The following RFTN1 variants were observed in gnomAD, a reference collection of about 807,000 sequenced individuals.
The protein encoded by RFTN1 is raftlin, lipid raft linker 1.
In RFTN1, 26 loss-of-function variants were observed where a neutral mutation model predicts 46.5. That is an observed-to-expected ratio of 0.56 (90% confidence interval 0.41 to 0.78). RFTN1 has a LOEUF of 0.78. Among genes scored for constraint, RFTN1 ranks in the 30% least tolerant of loss-of-function variants. The pLI, the probability that RFTN1 is intolerant of heterozygous loss-of-function variation, is 0.00. For synonymous variants in RFTN1, 261 were observed against 284.2 expected, an observed-to-expected ratio of 0.92 and a Z score of 0.82; for missense variants, 693 against 718.7, an observed-to-expected ratio of 0.96 and a Z score of 0.41.
At chr3:16,493,697 C>G in intron 2 of RFTN1, 28 bp downstream of exon 2, 1 of 1,603,244 alleles carries the variant, frequency 6.2e-7, no homozygotes, top group Non-Finnish European at 8.5e-7. Flanking sequence ...CCCACCTGCC[C>G]CCATCCATTC....
In RFTN1 at chr3:16,426,126, A is replaced by G. The variant is rs1038845303; in HGVS notation, c.332+7725T>C. 3.9e-5 allele frequency among the ~76,000 whole-genome samples: 6 copies of G among 152,186 alleles called. No homozygotes were observed. Among genetic ancestry groups the G allele is most frequent in the Non-Finnish European group, 8.8e-5 (6 of 68,036 alleles). ...GGCGGCTGCAGTTTCCCATCACAGTAGCACGCATCAATCAGTGCTAAACCC... is the reference window on the plus strand; with the variant it reads ...GGCGGCTGCAGTTTCCCATCACAGTGGCACGCATCAATCAGTGCTAAACCC... On this transcript the variant is annotated intron_variant, in intron 3 of 9. Transcript: ENST00000334133. This position sits in a 1 kb window ranked among gnomAD's most constrained non-coding sequence, Gnocchi z 5.9.
At chr3:16,325,411 C>T (rs1435761154) in intron 8 of RFTN1, among the ~76,000 whole-genome samples, 1 of 152,214 alleles carries the variant, frequency 6.6e-6, no homozygotes, top group Non-Finnish European at 1.5e-5. Context: ...ACAGAGAGAC[C>T]TGTCTGTAGC....
rs766149596 is a variant in RFTN1 at position 16,336,802 on chromosome 3, C to G, written c.1147-9926G>C. On this transcript the variant is annotated intron_variant, in intron 7 of 9. Coordinates refer to ENST00000334133, the MANE Select transcript of RFTN1 (RefSeq NM_015150.2). The surrounding 1 kb of genome is among the most constrained non-coding windows in gnomAD (Gnocchi z 6.0). The stretch of plus-strand genomic sequence containing the variant: ...AATTCACATCTTTGTCTCATTTTCT[C>G]TACCAGGTAAGAAAGGCAGCAAACT... Among the ~76,000 whole-genome samples, 1 of 152,166 alleles carries G rather than the reference C, an allele frequency of 6.6e-6. No homozygotes were observed. Among genetic ancestry groups the G allele is most frequent in the Admixed American group, 6.5e-5 (1 of 15,280 alleles).
rs1044645455 is a variant in RFTN1, at chr3:16,402,994, T to C, written c.441+6381A>G. ...CCTGAAGGCAAAGGCCACCATGTCT[T>C]ATCTGGACAAGGGCAGGGAGCGTGG... is the stretch of plus-strand genomic sequence containing the variant. On this transcript the variant is annotated intron_variant, in intron 4 of 9. Coordinates refer to ENST00000334133, the MANE Select transcript of RFTN1 (RefSeq NM_015150.2). The surrounding 1 kb of genome is among the most constrained non-coding windows in gnomAD (Gnocchi z 4.5). Among the ~76,000 whole-genome samples the C allele has an allele frequency of 6.6e-6, 1 of 152,070 alleles. No homozygotes were observed. Among genetic ancestry groups the C allele is most frequent in the African/African-American group, 2.4e-5 (1 of 41,388 alleles).
At position 16,426,500 on chromosome 3, in the gene RFTN1, A is replaced by T. The variant is rs1315247462; in HGVS notation, c.332+7351T>A. 1.3e-5 allele frequency among the ~76,000 whole-genome samples: 2 copies of T among 152,376 alleles called. No homozygotes were observed. Among genetic ancestry groups the T allele is most frequent in the East Asian group, 3.8e-4 (2 of 5,196 alleles). ...TTCATATTATCTTGTAGGCTATAAA[A>T]AAAAGATAACATAATGCATTTGTAC... On this transcript the variant is annotated intron_variant, in intron 3 of 9. Transcript: ENST00000334133. This position sits in a 1 kb window ranked among gnomAD's most constrained non-coding sequence, Gnocchi z 5.9.
At position 16,346,884 on chromosome 3, in the gene RFTN1, G is replaced by A. The variant is rs745524606; in HGVS notation, c.1146+11048C>T. On this transcript the variant is annotated intron_variant, in intron 7 of 9. Transcript: ENST00000334133. This position sits in a 1 kb window ranked among gnomAD's most constrained non-coding sequence, Gnocchi z 4.4. ...GAAAGATGGCAACATCTGGATCCCT[G>A]GTGGCATCTTTAAGCTGTTGACAAA... Among the ~76,000 whole-genome samples the A allele has an allele frequency of 6.6e-5, 10 of 152,244 alleles. No homozygotes were observed. The highest frequency in any genetic ancestry group is 2.0e-4 in the Admixed American group (3 of 15,296).
At position 16,407,359 on chromosome 3, in the gene RFTN1, CT is replaced by C. The variant is rs35520854; in HGVS notation, c.441+2015del. Among the ~76,000 whole-genome samples, 171 of 144,804 alleles carry C rather than the reference CT, an allele frequency of 1.2e-3. No individual in the cohort carries two copies. Among genetic ancestry groups the C allele is most frequent in the Middle Eastern group, 7.0e-3 (2 of 284 alleles). 95.0% of individuals were successfully genotyped at this position (144,804 alleles called of 152,430 possible). ...CACCATGCTCGGCTTTTTAAAGAGACTTTTTTTTTTTTGGCAGAGATGGAGG... is the reference window on the plus strand; with the variant it reads ...CACCATGCTCGGCTTTTTAAAGAGACTTTTTTTTTTTGGCAGAGATGGAGG... On this transcript the variant is annotated intron_variant, in intron 4 of 9. Transcript: ENST00000334133. The surrounding 1 kb of genome is among the most constrained non-coding windows in gnomAD (Gnocchi z 4.0).
Position 16,447,797 on chromosome 3 carries a change from A to ATTT in RFTN1, c.146-13763_146-13761dup, listed in dbSNP as rs1026456851. ...CGTTGGCACAAGAAGGGAAAGATGG[A>ATTT]TTTTTAATCAGGCAAAGGAATGTAC... On this transcript the variant is annotated intron_variant, in intron 2 of 9. Coordinates refer to ENST00000334133, the MANE Select transcript of RFTN1 (RefSeq NM_015150.2). The surrounding 1 kb of genome is among the most constrained non-coding windows in gnomAD (Gnocchi z 5.9). Among the ~76,000 whole-genome samples, 1 of 152,214 alleles carries ATTT rather than the reference A, an allele frequency of 6.6e-6. No individual in the cohort carries two copies. The highest frequency in any genetic ancestry group is 2.4e-5 in the African/African-American group (1 of 41,460).
intron 7 of RFTN1, among the ~76,000 whole-genome samples, chr3:16,354,322 G>A (rs1311886531): frequency 6.6e-6 from 1 of 152,196 alleles, no homozygotes; most frequent in East Asian, 1.9e-4. Flanking sequence ...CTGCAAAGAG[G>A]AAAAGAAACC....
At position 16,404,319 on chromosome 3, in the gene RFTN1, A is replaced by AT. The variant is rs1158608363; in HGVS notation, c.441+5055dup. 9.5e-4 allele frequency among the ~76,000 whole-genome samples: 22 copies of AT among 23,144 alleles called. 4 individuals carry two copies. Among genetic ancestry groups the AT allele is most frequent in the African/African-American group, 3.4e-3 (13 of 3,866 alleles). The allele number at this position is 23,144 out of a possible 152,430, so 15.2% of individuals were successfully genotyped here. On this transcript the variant is annotated intron_variant, in intron 4 of 9. Transcript: ENST00000334133. ...ATATAATATGTAATATATATTATAT[A>AT]TAATATATAATATATAATATATATA... is the stretch of plus-strand genomic sequence containing the variant.
chr3:16,436,949 A>G (rs1575290048), intron 2 of RFTN1, among the ~76,000 whole-genome samples: 1 of 152,298 alleles, frequency 6.6e-6, no homozygotes, highest in South Asian at 2.1e-4. Flanking sequence ...CCCTTGCTCC[A>G]CTAAAAAAGT....
At chr3:16,403,103 A>G (rs1009015385) in intron 4 of RFTN1, among the ~76,000 whole-genome samples, 1 of 152,168 alleles carries the variant, frequency 6.6e-6, no homozygotes, top group African/African-American at 2.4e-5. Context: ...CACTGAGGGG[A>G]CACCTTCAAG....
intron 1 of RFTN1, among the ~76,000 whole-genome samples, chr3:16,511,122 G>C (rs564671807): frequency 6.6e-6 from 1 of 152,152 alleles, no homozygotes; most frequent in Non-Finnish European, 1.5e-5. Context: ...GAGAGGGTGA[G>C]GGCAGAGAAT....
At chr3:16,398,941 C>T (rs928352370) in intron 4 of RFTN1, among the ~76,000 whole-genome samples, 24 of 152,198 alleles carry the variant, frequency 1.6e-4, no homozygotes, top group African/African-American at 4.8e-4. Context: ...GGTAATTTCT[C>T]TGCAGTGACG....
In RFTN1 at chr3:16,424,410, G is replaced by C. The variant is rs2075250975; in HGVS notation, c.332+9441C>G. On this transcript the variant is annotated intron_variant, in intron 3 of 9. Transcript: ENST00000334133. The surrounding 1 kb of genome is among the most constrained non-coding windows in gnomAD (Gnocchi z 4.7). ...TGTATGTCTAAAACCTCTGCTGAAA[G>C]CACAGTAATGTTTTCGACAAATATT... Among the ~76,000 whole-genome samples, 1 of 152,194 alleles carries C rather than the reference G, an allele frequency of 6.6e-6. No homozygotes were observed. The highest frequency in any genetic ancestry group is 6.5e-5 in the Admixed American group (1 of 15,282).
chr3:16,399,442 A>C (rs933183309), intron 4 of RFTN1, among the ~76,000 whole-genome samples: 11 of 152,312 alleles, frequency 7.2e-5, no homozygotes, highest in African/African-American at 2.6e-4. Flanking sequence ...CCACTCCAGC[A>C]ATAGCTGTTT....
intron 2 of RFTN1, among the ~76,000 whole-genome samples, chr3:16,470,391 T>C (rs562898109): frequency 6.6e-6 from 1 of 152,358 alleles, no homozygotes; most frequent in East Asian, 1.9e-4. Flanking sequence ...CTCTGATGGC[T>C]TTTAGCCCAA....
chr3:16,487,314 A>G (rs965987029), intron 2 of RFTN1, among the ~76,000 whole-genome samples: 7 of 152,246 alleles, frequency 4.6e-5, no homozygotes, highest in Non-Finnish European at 8.8e-5. Context: ...TATGAACCTA[A>G]GGGCAAATCT....
At chr3:16,357,124 AAAAAC>A (rs1404948431) in intron 7 of RFTN1, among the ~76,000 whole-genome samples, 4 of 81,984 alleles carry the variant, frequency 4.9e-5, no homozygotes, top group African/African-American at 2.5e-4. Flanking sequence ...CAAAAAAAAA[AAAAAC>A]AAAAAAACAA....
Sources: gnomAD v4.1 joint callset for allele counts (sites outside exome capture counted in the v4.1 genomes callset) on GRCh38, gnomAD v4.1.1 for gene constraint, Gnocchi (gnomAD v3.1) non-coding constraint, MANE v1.5 for transcripts, NCBI Gene and HGNC (gene_info 2026-07-23, HGNC 2026-07-21) for gene names.